The following NUMB variants were observed in gnomAD, a reference collection of about 807,000 sequenced individuals.
NUMB encodes protein numb homolog.
A neutral mutation model predicts 59.7 loss-of-function variants in NUMB; 29 were observed. The observed-to-expected ratio is 0.49, with a 90% CI of 0.36 to 0.66. The LOEUF is 0.66. Among genes scored for constraint, NUMB ranks in the 30% least tolerant of loss-of-function variants. The pLI is 0.00. For missense variants in NUMB, 723 were observed against 822.0 expected (o/e 0.88, Z 1.47); for synonymous variants, 288 against 288.2 (o/e 1.00, Z 0.01).
intron 2 of NUMB, among the ~76,000 whole-genome samples, chr14:73,403,570 TG>T (rs1896516501): frequency 6.6e-6 from 1 of 152,220 alleles, no homozygotes; most frequent in African/African-American, 2.4e-5. Context: ...CCCTGGGCTC[TG>T]AATTGCACAC....
intron 1 of NUMB, among the ~76,000 whole-genome samples, chr14:73,448,079 G>T (rs1044760804): frequency 3.9e-5 from 6 of 152,126 alleles, no homozygotes; most frequent in African/African-American, 1.4e-4. Context: ...TTACAGGCAT[G>T]AGCCACCGCA....
intron 1 of NUMB, among the ~76,000 whole-genome samples, chr14:73,413,243 C>G (rs565781137): frequency 1.3e-5 from 2 of 151,156 alleles, no homozygotes; most frequent in African/African-American, 4.8e-5. Context: ...CACACCACCA[C>G]GCCCAGCTAA....
intron 4 of NUMB, among the ~76,000 whole-genome samples, chr14:73,339,059 A>G (rs1892497773): frequency 1.3e-5 from 2 of 152,200 alleles, no homozygotes; most frequent in Non-Finnish European, 2.9e-5. Context: ...TATCTTACCC[A>G]CTGCAATTCT....
chr14:73,398,978 G>T (rs1896280701), intron 2 of NUMB, among the ~76,000 whole-genome samples: 1 of 151,752 alleles, frequency 6.6e-6, no homozygotes, highest in African/African-American at 2.4e-5. Context: ...AACACACCTA[G>T]GTATCAATTA....
intron 6 of NUMB, among the ~76,000 whole-genome samples, chr14:73,300,488 A>G (rs928382640): frequency 6.6e-6 from 1 of 152,216 alleles, no homozygotes; most frequent in African/African-American, 2.4e-5. Flanking sequence ...GAACAGTAGT[A>G]TGGAGGCAGT....
intron 1 of NUMB, among the ~76,000 whole-genome samples, chr14:73,429,963 T>TA (rs1420965691): frequency 6.6e-6 from 1 of 151,694 alleles, no homozygotes; most frequent in East Asian, 1.9e-4. Flanking sequence ...AAAAAGGCAT[T>TA]AAAATGGCAA....
chr14:73,319,802 G>C lies in NUMB; in HGVS notation c.201+3328C>G, dbSNP rs951674710. On this transcript the variant is annotated intron_variant, in intron 5 of 12. Transcript: ENST00000555238. The stretch of plus-strand genomic sequence containing the variant: ...GTATCCTAAAGACTTCCGATTTTCT[G>C]CAAGATTCTCAGTATAGCTCTAGAA... Among the ~76,000 whole-genome samples the C allele has an allele frequency of 5.9e-5, 9 of 152,240 alleles. No homozygotes were observed. The East Asian group carries it at 1.5e-3, about 26-fold the overall frequency.
intron 1 of NUMB, among the ~76,000 whole-genome samples, chr14:73,451,161 A>C (rs1286389873): frequency 6.9e-6 from 1 of 145,976 alleles, no homozygotes; most frequent in African/African-American, 2.6e-5. Flanking sequence ...CTCAAAAAAA[A>C]AAAAAAAAAA....
At chr14:73,309,145 G>A (rs769643154) in intron 6 of NUMB, among the ~76,000 whole-genome samples, 1 of 152,200 alleles carries the variant, frequency 6.6e-6, no homozygotes, top group Non-Finnish European at 1.5e-5. Context: ...TGGCCTCTGT[G>A]AGGAACACAG....
At position 73,340,516 on chromosome 14, in the gene NUMB, C is replaced by T. The variant is rs150934221; in HGVS notation, c.126+15110G>A. On this transcript the variant is annotated intron_variant, in intron 4 of 12. Coordinates refer to ENST00000555238, the MANE Select transcript of NUMB (RefSeq NM_001005743.2). ...ATATTTACTTATTCATAGTCTAATA[C>T]CCACTAGGATGTAAGCGTAGTGCAA... Among the ~76,000 whole-genome samples the T allele has an allele frequency of 3.5e-3, 535 of 152,276 alleles. 1 individual carries two copies. Among genetic ancestry groups the T allele is most frequent in the Middle Eastern group, 6.8e-3 (2 of 294 alleles).
intron 6 of NUMB, among the ~76,000 whole-genome samples, chr14:73,302,775 AGC>A (rs1566734313): frequency 2.0e-5 from 3 of 152,140 alleles, no homozygotes. Context: ...AAGATTTCTG[AGC>A]ACTTTTAAGA....
chr14:73,357,400 CA>C (rs199955256), intron 3 of NUMB, among the ~76,000 whole-genome samples: 8,614 of 133,474 alleles, frequency 0.065, 672 homozygotes, highest in African/African-American at 0.21. Context: ...GAAACTCTGT[CA>C]AAAAAAAAAA....
intron 8 of NUMB, among the ~76,000 whole-genome samples, chr14:73,287,584 G>C (rs897138285): frequency 1.3e-5 from 2 of 151,862 alleles, no homozygotes; most frequent in African/African-American, 4.8e-5. Flanking sequence ...TGCTATGTTG[G>C]GCAGGCTGGT....
intron 9 of NUMB, chr14:73,286,900 T>C (rs976588469): frequency 8.8e-6 from 5 of 568,758 alleles, no homozygotes; most frequent in Non-Finnish European, 6.3e-6. Flanking sequence ...ATTCCTCAGA[T>C]AGCTTACTAT....
At chr14:73,309,753 T>TAATAATAATAAA (rs1555370097) in intron 6 of NUMB, among the ~76,000 whole-genome samples, 1 of 143,506 alleles carries the variant, frequency 7.0e-6, no homozygotes, top group Non-Finnish European at 1.5e-5. Flanking sequence ...ATAATAATAA[T>TAATAATAATAAA]AATAAAAATA....
intron 6 of NUMB, among the ~76,000 whole-genome samples, chr14:73,304,676 G>C (rs1890324498): frequency 6.6e-6 from 1 of 152,176 alleles, no homozygotes; most frequent in African/African-American, 2.4e-5. Context: ...ATGGTAGGTG[G>C]AAAGATTCTT....
intron 6 of NUMB, among the ~76,000 whole-genome samples, chr14:73,313,523 T>C (rs1417121691): frequency 4.0e-5 from 6 of 150,236 alleles, no homozygotes; most frequent in African/African-American, 2.4e-5. Flanking sequence ...TATAAAATTA[T>C]TACTAAAATT....
intron 3 of NUMB, among the ~76,000 whole-genome samples, chr14:73,360,041 T>C (rs1406042077): frequency 6.6e-6 from 1 of 152,232 alleles, no homozygotes; most frequent in African/African-American, 2.4e-5. Context: ...GTTGTCCCTC[T>C]CTCATCAACT....
chr14:73,394,422 A>G (rs28528726), intron 2 of NUMB, among the ~76,000 whole-genome samples: 12,156 of 147,622 alleles, frequency 0.082, 1,090 homozygotes, highest in African/African-American at 0.21. Flanking sequence ...AAAAAAAAAA[A>G]AGAGAGAGAG....
Sources: allele counts gnomAD v4.1 joint callset (sites outside exome capture counted in the v4.1 genomes callset), GRCh38; gene constraint gnomAD v4.1.1; transcripts MANE v1.5; gene names NCBI Gene and HGNC (gene_info 2026-07-23, HGNC 2026-07-21).